The following MCAT variants were observed in gnomAD, a reference collection of about 807,000 sequenced individuals.
MCAT encodes the protein malonyl-CoA-acyl carrier protein transacylase.
In MCAT, 22 loss-of-function variants were observed where a neutral mutation model predicts 22.9. The ratio of observed to expected loss-of-function variants is 0.96; its 90% CI spans 0.69 to 1.37. MCAT has a LOEUF of 1.37. MCAT is among the 40% of genes most tolerant of loss of function. MCAT has a pLI of 0.00. For missense variants in MCAT, 534 were observed against 533.6 expected (o/e 1.00, Z -0.01); for synonymous variants, 240 against 233.9 (o/e 1.03, Z -0.24).
Position 43,133,295 on chromosome 22 carries a change from C to T in MCAT, c.921G>A (p.Arg307=). 6.2e-7 allele frequency: 1 copy of T among 1,614,176 alleles called. No individual in the cohort carries two copies. The highest frequency in any genetic ancestry group is 1.7e-5 in the Admixed American group (1 of 60,028). Residue 307 remains arginine, a synonymous_variant, in exon 4 of 4, where the codon AGG becomes AGA. Coordinates refer to ENST00000290429, the MANE Select transcript of MCAT (RefSeq NM_173467.5). ...GCAGCTTGTGGATGTGCCCGGGATG[C>T]CTGTATCTATGCGCGTGGACGTTGG... ...VYSNVHAHRY[R]HPGHIHKLLA... is the part of the protein sequence containing the mutation.
intron 1 of MCAT, 92 bp downstream of exon 1, chr22:43,142,834 G>A (rs988896833): frequency 7.0e-6 from 9 of 1,285,156 alleles, no homozygotes; most frequent in Non-Finnish European, 7.1e-6. Flanking sequence ...AGACGTGGGA[G>A]CCCCCGGAAT....
intron 3 of MCAT, among the ~76,000 whole-genome samples, chr22:43,135,441 T>G (rs1318132794): frequency 1.4e-5 from 2 of 144,360 alleles, no homozygotes; most frequent in African/African-American, 5.2e-5. Context: ...GAGGTGGAGG[T>G]TGCAGTGAGC....
rs563860079 is a variant in MCAT, at chr22:43,142,098, T to C, written c.423+828A>G. Reference sequence around the variant, plus strand: ...TTCCTCAACCATCAAATAACAGTATTAACCTCACAAGGTGGTGTGAAGGTG... The same window carrying C: ...TTCCTCAACCATCAAATAACAGTATCAACCTCACAAGGTGGTGTGAAGGTG... On this transcript the variant is annotated intron_variant, in intron 1 of 3. Coordinates refer to ENST00000290429, the MANE Select transcript of MCAT (RefSeq NM_173467.5). Among the ~76,000 whole-genome samples the C allele has an allele frequency of 2.6e-5, 4 of 152,344 alleles. No homozygotes were observed. In the South Asian group the frequency reaches 8.3e-4, roughly 32 times the overall value.
intron 2 of MCAT, among the ~76,000 whole-genome samples, chr22:43,138,609 C>G (rs899758005): frequency 5.3e-5 from 8 of 151,992 alleles, no homozygotes; most frequent in Admixed American, 2.6e-4. Flanking sequence ...TGGCAGTGTG[C>G]GCCTGTGGTC....
rs1265311999 is a variant in MCAT, at chr22:43,133,611, T to G, written c.730-125A>C. On this transcript the variant is annotated intron_variant, in intron 3 of 3. Coordinates refer to ENST00000290429, the MANE Select transcript of MCAT (RefSeq NM_173467.5). The stretch of plus-strand genomic sequence containing the variant: ...GACCCACAGCTGCTAGATGTGGACA[T>G]GTGACCTGTCTGTCCCAGCACCATC... The G allele has an allele frequency of 7.4e-6, 5 of 673,052 alleles. No homozygotes were observed. The East Asian group carries it at 1.4e-4, about 18-fold the overall frequency. 41.7% of individuals were successfully genotyped at this position (673,052 alleles called of 1,614,324 possible).
Position 43,142,959 on chromosome 22 carries a change from G to A in MCAT, c.390C>T (p.Ala130=). The A allele has an allele frequency of 2.5e-6, 4 of 1,593,488 alleles. No individual in the cohort carries two copies. The highest frequency in any genetic ancestry group is 3.4e-6 in the Non-Finnish European group (4 of 1,169,788). Residue 130 remains alanine (A), a synonymous_variant, in exon 1 of 4, where the codon GCC becomes GCT. Transcript: ENST00000290429. ...CQPAIFVASL[A]AVEKLHHLQP... ...GCAGGTGATGTAGTTTCTCGACAGC[G>A]GCCAGCGATGCCACGAAGATCGCGG...
intron 2 of MCAT, among the ~76,000 whole-genome samples, chr22:43,138,695 C>A (rs1399857541): frequency 1.3e-5 from 2 of 152,194 alleles, no homozygotes; most frequent in Middle Eastern, 6.8e-3. Flanking sequence ...TGTGTTCATG[C>A]CACTGTATTC....
intron 3 of MCAT, 52 bp downstream of exon 3, chr22:43,137,029 C>T (rs1330955605): frequency 6.6e-7 from 1 of 1,521,598 alleles, no homozygotes; most frequent in African/African-American, 1.4e-5. Context: ...TGGAGCAGTT[C>T]CAACCCTCCG....
At chr22:43,142,486 C>CA (rs1256093313) in intron 1 of MCAT, among the ~76,000 whole-genome samples, 9 of 150,094 alleles carry the variant, frequency 6.0e-5, no homozygotes, top group African/African-American at 2.2e-4. Context: ...GACTCTGTCT[C>CA]AAAAAACAAA....
Position 43,141,184 on chromosome 22 carries a change from G to C in MCAT, c.489C>G (p.Ala163=). Reference sequence around the variant, plus strand: ...TACCTTCAGCAAATTCCATGGCTCCGGCAAACACTAGGGCTGCAAACTCTC... The same window carrying C: ...TACCTTCAGCAAATTCCATGGCTCCCGCAAACACTAGGGCTGCAAACTCTC... ...SVGEFAALVF[A]GAMEFAEGLY... Residue 163 remains alanine, a synonymous_variant, in exon 2 of 4, where the codon GCC becomes GCG. Transcript: ENST00000290429. 1.2e-6 allele frequency: 2 copies of C among 1,614,046 alleles called. No individual in the cohort carries two copies. Among genetic ancestry groups the C allele is most frequent in the Non-Finnish European group, 1.7e-6 (2 of 1,180,016 alleles).
intron 1 of MCAT, among the ~76,000 whole-genome samples, chr22:43,142,112 G>A (rs1222081835): frequency 6.6e-6 from 1 of 152,164 alleles, no homozygotes; most frequent in Non-Finnish European, 1.5e-5. Context: ...CTCACAAGGT[G>A]GTGTGAAGGT....
At position 43,143,077 on chromosome 22, in the gene MCAT, T is replaced by A. The variant is rs550472958; in HGVS notation, c.272A>T (p.Tyr91Phe). The part of the protein sequence containing the change: ...LLNYPRVREL[Y>F]AAARRVLGYD... ...GCCCAGCACGCGGCGGGCGGCGGCG[T>A]AGAGTTCGCGGACGCGCGGGTAGTT... The change falls in exon 1 of 4, where the codon TAC becomes TTC. Residue 91 changes from tyrosine to phenylalanine, a missense_variant. Transcript: ENST00000290429. 8 of 1,608,208 alleles carry A rather than the reference T, an allele frequency of 5.0e-6. No homozygotes were observed. The African/African-American group carries it at 1.1e-4, about 21-fold the overall frequency.
chr22:43,143,025 G>A lies in MCAT; in HGVS notation c.324C>T (p.His108=), dbSNP rs1278337979. Residue 108 remains histidine, a synonymous_variant, in exon 1 of 4, where the codon CAC becomes CAT. Coordinates refer to ENST00000290429, the MANE Select transcript of MCAT (RefSeq NM_173467.5). ...TGCGGTCCAGGGTCTCCTGCGGCCC[G>A]TGCAGGCTCAGTTCCAGCAGGTCGT... ...LGYDLLELSL[H]GPQETLDRTV... The A allele has an allele frequency of 1.6e-5, 26 of 1,609,576 alleles. No homozygotes were observed. Among genetic ancestry groups the A allele is most frequent in the East Asian group, 2.2e-5 (1 of 44,776 alleles).
chr22:43,142,025 A>T lies in MCAT; in HGVS notation c.424-776T>A, dbSNP rs985867992. Among the ~76,000 whole-genome samples the T allele has an allele frequency of 3.8e-3, 578 of 152,372 alleles. 2 individuals are homozygous for T. The highest frequency in any genetic ancestry group is 0.014 in the African/African-American group (563 of 41,584). ...GCAGTGAATGAATATTATGATGACG[A>T]TTCAACAGGACCACTTAACTAATTC... On this transcript the variant is annotated intron_variant, in intron 1 of 3. Coordinates refer to ENST00000290429, the MANE Select transcript of MCAT (RefSeq NM_173467.5).
chr22:43,143,138 C>T lies in MCAT; in HGVS notation c.211G>A (p.Gly71Ser), dbSNP rs755060613. 4 of 1,595,418 alleles carry T rather than the reference C, an allele frequency of 2.5e-6. No individual in the cohort carries two copies. In the African/African-American group the frequency reaches 5.4e-5, roughly 21 times the overall value. Residue 71 changes from glycine to serine, a missense_variant, in exon 1 of 4, where the codon GGC becomes AGC. Gly to Ser is a moderately conservative substitution (Grantham distance 56). Coordinates refer to ENST00000290429, the MANE Select transcript of MCAT (RefSeq NM_173467.5). Reference sequence around the variant, plus strand: ...CGGCCCATGCCCACCACCTGGCTGCCCTGGCCCGGGAAGAGCAGCACGGAG... The same window carrying T: ...CGGCCCATGCCCACCACCTGGCTGCTCTGGCCCGGGAAGAGCAGCACGGAG... ...QCSVLLFPGQ[G>S]SQVVGMGRGL... is the part of the protein sequence containing the mutation.
chr22:43,133,179 A>C lies in MCAT; in HGVS notation c.1037T>G (p.Phe346Cys), dbSNP rs2147031126. 1.9e-6 allele frequency: 3 copies of C among 1,614,178 alleles called. No individual in the cohort carries two copies. Among genetic ancestry groups the C allele is most frequent in the Middle Eastern group, 3.3e-4 (2 of 6,062 alleles). Residue 346 changes from phenylalanine to cysteine, a missense_variant, in exon 4 of 4, where the codon TTC becomes TGC. By Grantham distance (205) the Phe-to-Cys change is radical. Transcript: ENST00000290429. ...CAGCTGCCTGCCAGGGCCTACTTCG[A>C]AAGTTTGGGGGAACCCCCTGCCCTT... ...RKKGRGFPQT[F>C]EVGPGRQLGA...
intron 2 of MCAT, among the ~76,000 whole-genome samples, chr22:43,138,122 G>A (rs1053081968): frequency 3.9e-5 from 6 of 152,158 alleles, no homozygotes; most frequent in Non-Finnish European, 7.4e-5. Flanking sequence ...AGATGCTTGG[G>A]AGGCTGACAC....
chr22:43,139,875 C>T (rs1930720584), intron 2 of MCAT, among the ~76,000 whole-genome samples: 1 of 152,120 alleles, frequency 6.6e-6, no homozygotes, highest in African/African-American at 2.4e-5. Flanking sequence ...AGCCACCACA[C>T]CAAGCCTAAT....
At chr22:43,139,451 A>C (rs1427490699) in intron 2 of MCAT, among the ~76,000 whole-genome samples, 1 of 152,160 alleles carries the variant, frequency 6.6e-6, no homozygotes, top group East Asian at 1.9e-4. Flanking sequence ...ACTTGAGGCC[A>C]AGAGGCTGAG....
Sources: allele counts gnomAD v4.1 joint callset (sites outside exome capture counted in the v4.1 genomes callset), GRCh38; gene constraint gnomAD v4.1.1; transcripts MANE v1.5; gene names NCBI Gene and HGNC (gene_info 2026-07-23, HGNC 2026-07-21).